The following KIF6 variants were observed in gnomAD, a reference collection of about 807,000 sequenced individuals.
KIF6 encodes kinesin family member 6, also known as kinesin-like protein KIF6.
KIF6 carries 106 observed loss-of-function variants against 112.7 expected under a neutral mutation model. The observed-to-expected ratio is 0.94, with a 90% confidence interval of 0.80 to 1.11. The LOEUF (loss-of-function observed/expected upper bound fraction) is 1.11. KIF6 is among the 50% of genes least tolerant of loss of function. The pLI is 0.00. For missense variants in KIF6, 929 were observed against 964.0 expected (o/e 0.96, Z 0.48); for synonymous variants, 339 against 339.9 (o/e 1.00, Z 0.03).
intron 13 of KIF6, among the ~76,000 whole-genome samples, chr6:39,453,933 C>T (rs1455404891): frequency 2.6e-5 from 4 of 152,186 alleles, no homozygotes; most frequent in Admixed American, 6.5e-5. Flanking sequence ...GACTACTACA[C>T]TGCCTTATCA....
intron 7 of KIF6, among the ~76,000 whole-genome samples, chr6:39,587,212 C>G (rs1227670942): frequency 1.3e-5 from 2 of 152,124 alleles, no homozygotes; most frequent in Non-Finnish European, 1.5e-5. Context: ...GCAGACAAAT[C>G]CAGTGCTAGA....
chr6:39,546,834 A>G (rs1307612849), intron 10 of KIF6, among the ~76,000 whole-genome samples: 1 of 152,010 alleles, frequency 6.6e-6, no homozygotes, highest in Non-Finnish European at 1.5e-5. Context: ...TCAAAAAAAA[A>G]AAAAAAAAAA....
intron 3 of KIF6, among the ~76,000 whole-genome samples, chr6:39,698,360 G>C (rs1370730185): frequency 1.3e-5 from 2 of 152,136 alleles, no homozygotes; most frequent in African/African-American, 4.8e-5. Context: ...CTGCCTAGTT[G>C]TAACATTAAA....
chr6:39,495,206 T>C (rs1008401196), intron 13 of KIF6, among the ~76,000 whole-genome samples: 1 of 152,212 alleles, frequency 6.6e-6, no homozygotes, highest in Non-Finnish European at 1.5e-5. Context: ...GAGGGGTAAC[T>C]GTGGAGGACT....
intron 14 of KIF6, 68 bp downstream of exon 14, chr6:39,430,985 A>C: frequency 1.2e-6 from 1 of 825,980 alleles, no homozygotes; most frequent in Non-Finnish European, 2.0e-6. Flanking sequence ...AGGACAGAGT[A>C]AGCAAATCTC....
At chr6:39,703,335 A>T (rs1788994329) in intron 3 of KIF6, among the ~76,000 whole-genome samples, 1 of 152,084 alleles carries the variant, frequency 6.6e-6, no homozygotes, top group Non-Finnish European at 1.5e-5. Context: ...TGAAAGGAAG[A>T]TCTATTCTAG....
intron 10 of KIF6, among the ~76,000 whole-genome samples, chr6:39,548,245 C>T (rs551206789): frequency 6.6e-6 from 1 of 152,196 alleles, no homozygotes; most frequent in Non-Finnish European, 1.5e-5. Context: ...CAGAAGGAAA[C>T]CTCGTAAGAT....
chr6:39,482,454 T>C (rs1774858645), intron 13 of KIF6, among the ~76,000 whole-genome samples: 1 of 152,162 alleles, frequency 6.6e-6, no homozygotes, highest in Non-Finnish European at 1.5e-5. Context: ...AGCAAGAGAA[T>C]GAGGCTGAAC....
chr6:39,656,185 C>T (rs182286493), intron 3 of KIF6, among the ~76,000 whole-genome samples: 1 of 152,248 alleles, frequency 6.6e-6, no homozygotes, highest in Non-Finnish European at 1.5e-5. Context: ...TAGGGTGTCT[C>T]TGTCTTCCCA....
intron 3 of KIF6, 74 bp downstream of exon 3, chr6:39,714,618 T>C (rs1789727089): frequency 3.1e-6 from 3 of 981,994 alleles, no homozygotes; most frequent in South Asian, 2.7e-5. Flanking sequence ...TTAAGCACAC[T>C]ACCACAGTTA....
chr6:39,713,499 G>A (rs1582511094), intron 3 of KIF6, among the ~76,000 whole-genome samples: 1 of 152,174 alleles, frequency 6.6e-6, no homozygotes, highest in African/African-American at 2.4e-5. Flanking sequence ...AGAAAGTGGG[G>A]TCAAGATGAG....
Position 39,378,368 on chromosome 6 carries a change from A to G in KIF6, c.1861+7254T>C, listed in dbSNP as rs1017578002. ...CACATACACACATACCACGTGCCAC[A>G]TATACATACAATACATACAACATAC... On this transcript the variant is annotated intron_variant, in intron 16 of 22. Coordinates refer to ENST00000287152, the MANE Select transcript of KIF6 (RefSeq NM_145027.6). The surrounding 1 kb of genome is among the most constrained non-coding windows in gnomAD (Gnocchi z 5.0). Among the ~76,000 whole-genome samples, 1 of 152,014 alleles carries G rather than the reference A, an allele frequency of 6.6e-6. No individual in the cohort carries two copies. The highest frequency in any genetic ancestry group is 1.5e-5 in the Non-Finnish European group (1 of 67,992).
chr6:39,548,542 C>T lies in KIF6; in HGVS notation c.1182-2854G>A, dbSNP rs1430554394. On this transcript the variant is annotated intron_variant, in intron 10 of 22. Transcript: ENST00000287152. ...CACAAAGAAACATGCCTGGTCTTTC[C>T]TTCATACATTTGATTTACTGTTGGG... is the stretch of plus-strand genomic sequence containing the variant. 3.9e-5 allele frequency among the ~76,000 whole-genome samples: 6 copies of T among 152,202 alleles called. No individual in the cohort carries two copies. The South Asian group carries it at 1.2e-3, about 31-fold the overall frequency.
chr6:39,724,652 A>G (rs1196390372), intron 1 of KIF6, among the ~76,000 whole-genome samples: 2 of 152,184 alleles, frequency 1.3e-5, no homozygotes, highest in African/African-American at 4.8e-5. Context: ...ATATCTATTA[A>G]TACAAGGAGT....
chr6:39,467,633 C>T (rs1405195427), intron 13 of KIF6, among the ~76,000 whole-genome samples: 2 of 152,120 alleles, frequency 1.3e-5, no homozygotes, highest in Non-Finnish European at 2.9e-5. Context: ...TGAGATAGTC[C>T]ATCCAAGCCA....
intron 13 of KIF6, among the ~76,000 whole-genome samples, chr6:39,517,910 C>G (rs780882722): frequency 6.6e-6 from 1 of 152,106 alleles, no homozygotes; most frequent in Non-Finnish European, 1.5e-5. Flanking sequence ...CACAAAAAAA[C>G]CACATTAGGC....
intron 16 of KIF6, among the ~76,000 whole-genome samples, chr6:39,377,503 T>G (rs567136163): frequency 6.6e-6 from 1 of 152,304 alleles, no homozygotes; most frequent in East Asian, 1.9e-4. Context: ...CCTTTTGCTT[T>G]CTCTTAAATT....
chr6:39,343,771 C>G lies in KIF6; in HGVS notation c.2366G>C (p.Ser789Thr), dbSNP rs866522493. The G allele has an allele frequency of 6.2e-7, 1 of 1,613,016 alleles. No individual in the cohort carries two copies. The change falls in exon 22 of 23, where the codon AGC (serine) becomes ACC (threonine). Residue 789 changes from serine to threonine, a missense_variant. Coordinates refer to ENST00000287152, the MANE Select transcript of KIF6 (RefSeq NM_145027.6). This position sits in a 1 kb window ranked among gnomAD's most constrained non-coding sequence, Gnocchi z 4.1. ...GGCGATGATGTCCGAGTCCGTCTGG[C>G]TGTCTCCGGTGAGAGGGATGGACGA... ...PVSSIPLTGDSQTDSDIIAFI... is the reference protein window; with the variant it reads ...PVSSIPLTGDTQTDSDIIAFI...
intron 10 of KIF6, among the ~76,000 whole-genome samples, chr6:39,556,565 C>T (rs1779720837): frequency 6.6e-6 from 1 of 152,074 alleles, no homozygotes; most frequent in African/African-American, 2.4e-5. Flanking sequence ...TGAGAAGCCA[C>T]CAAAGCAGCC....
Sources: gnomAD v4.1 joint callset for allele counts (sites outside exome capture counted in the v4.1 genomes callset) on GRCh38, gnomAD v4.1.1 for gene constraint, Gnocchi (gnomAD v3.1) non-coding constraint, MANE v1.5 for transcripts, NCBI Gene and HGNC (gene_info 2026-07-23, HGNC 2026-07-21) for gene names.